ZNF79: variants seen among roughly 807,000 people sequenced by gnomAD.
ZNF79 encodes zinc finger protein 79.
ZNF79 carries 13 observed loss-of-function variants against 14.9 expected under a neutral mutation model. That is an observed-to-expected ratio of 0.87 (90% CI 0.57 to 1.38). The LOEUF is 1.38. ZNF79 is among the 40% of genes most tolerant of loss of function. ZNF79 has a pLI of 0.00. For synonymous variants in ZNF79, 223 were observed against 235.1 expected, an observed-to-expected ratio of 0.95 and a Z score of 0.47; for missense variants, 631 against 630.6, an observed-to-expected ratio of 1.00 and a Z score of -0.01.
chr9:127,444,612 C>G lies in ZNF79; in HGVS notation c.912C>G (p.Pro304=). Residue 304 remains proline, a synonymous_variant, in exon 5 of 5, where the codon CCC becomes CCG. Transcript: ENST00000342483. ...AGAGAATTCATACCGGAGAGAAGCC[C>G]TACGAATGCAGCGACTGTGGGAAGG... ...QHQRIHTGEK[P]YECSDCGKAF... 6.2e-7 allele frequency: 1 copy of G among 1,614,066 alleles called. No homozygotes were observed.
rs1833925444 is a variant in ZNF79 at position 127,435,181 on chromosome 9, G to A, written c.197G>A (p.Gly66Glu). Reference sequence around the variant, plus strand: ...ACTCCACGGGACAGGTTCAAGGAGGGGATACCAGGAAAGTCCAGGAGCCTT... The same window carrying A: ...ACTCCACGGGACAGGTTCAAGGAGGAGATACCAGGAAAGTCCAGGAGCCTT... The part of the protein sequence containing the change: ...VSTPRDRFKE[G>E]IPGKSRSLVL... Residue 66 changes from glycine (G) to glutamate (E), a missense_variant, in exon 3 of 5, where the codon GGG becomes GAG. Transcript: ENST00000342483. 1.2e-6 allele frequency: 2 copies of A among 1,611,512 alleles called. No homozygotes were observed. The highest frequency in any genetic ancestry group is 2.2e-5 in the East Asian group (1 of 44,746).
chr9:127,426,721 T>C (rs934942116), intron 1 of ZNF79, among the ~76,000 whole-genome samples: 3 of 152,228 alleles, frequency 2.0e-5, no homozygotes, highest in Admixed American at 1.3e-4. Context: ...TGTGGTAGAA[T>C]GATATTCCAT....
chr9:127,434,104 A>G (rs1833905289), intron 2 of ZNF79, among the ~76,000 whole-genome samples: 3 of 152,004 alleles, frequency 2.0e-5, no homozygotes, highest in African/African-American at 7.3e-5. Flanking sequence ...ACTGCCTGCC[A>G]TTTCCTAAAC....
Position 127,435,232 on chromosome 9 carries a change from CT to C in ZNF79, c.232+19del. 1 of 1,576,256 alleles carries C rather than the reference CT, an allele frequency of 6.3e-7. No individual in the cohort carries two copies. The highest frequency in any genetic ancestry group is 1.2e-5 in the South Asian group (1 of 85,220). On this transcript the variant is annotated intron_variant, in intron 3 of 4. Coordinates refer to ENST00000342483, the MANE Select transcript of ZNF79 (RefSeq NM_007135.3). ...GTCCTACTAGGTAAGGAAACTGTTTCTTTAAGATTTAGAATCACTCAATTCT... is the reference window on the plus strand; with the variant it reads ...GTCCTACTAGGTAAGGAAACTGTTTCTTAAGATTTAGAATCACTCAATTCT...
At chr9:127,437,199 T>C (rs1025212445) in intron 4 of ZNF79, among the ~76,000 whole-genome samples, 4 of 152,178 alleles carry the variant, frequency 2.6e-5, no homozygotes, top group South Asian at 4.1e-4. Context: ...GAGCTGCCTC[T>C]TCTCCTTCCC....
chr9:127,444,745 A>C lies in ZNF79; in HGVS notation c.1045A>C (p.Ile349Leu). 6.2e-7 allele frequency: 1 copy of C among 1,612,520 alleles called. No homozygotes were observed. The highest frequency in any genetic ancestry group is 8.5e-7 in the Non-Finnish European group (1 of 1,179,388). Residue 349 changes from isoleucine (I) to leucine (L), a missense_variant, in exon 5 of 5, where the codon ATT becomes CTT. By Grantham distance (5) the Ile-to-Leu change is conservative (BLOSUM62 2). Coordinates refer to ENST00000342483, the MANE Select transcript of ZNF79 (RefSeq NM_007135.3). ...GGCCTTCAGTTACTGCGCAGCGTTC[A>C]TTCAGCACCAGAGGATTCACACCGG... ...GKAFSYCAAF[I>L]QHQRIHTGEK...
At chr9:127,427,273 G>A (rs1402102096) in intron 1 of ZNF79, among the ~76,000 whole-genome samples, 1 of 143,304 alleles carries the variant, frequency 7.0e-6, no homozygotes, top group Non-Finnish European at 1.5e-5. Context: ...AAAAAAAAAA[G>A]TTAGCCGGGC....
At chr9:127,429,532 T>C (rs1833823599) in intron 2 of ZNF79, among the ~76,000 whole-genome samples, 1 of 151,244 alleles carries the variant, frequency 6.6e-6, no homozygotes. Context: ...GGTTTTGCCA[T>C]GTTGCCCAGT....
chr9:127,442,599 G>C (rs186989513), intron 4 of ZNF79, among the ~76,000 whole-genome samples: 17 of 152,192 alleles, frequency 1.1e-4, no homozygotes, highest in Non-Finnish European at 2.4e-4. Context: ...GCTACACTAA[G>C]TTTACTTTAC....
intron 3 of ZNF79, among the ~76,000 whole-genome samples, chr9:127,435,696 C>T (rs1833934917): frequency 6.6e-6 from 1 of 152,088 alleles, no homozygotes; most frequent in Non-Finnish European, 1.5e-5. Context: ...GACCCTGCCT[C>T]TAAAATTAAA....
intron 4 of ZNF79, 40 bp downstream of exon 4, chr9:127,436,043 C>G (rs1200797968): frequency 6.4e-7 from 1 of 1,567,906 alleles, no homozygotes; most frequent in Non-Finnish European, 8.8e-7. Context: ...GTCTTGGGAG[C>G]AAAAGCGCCT....
At chr9:127,425,679 G>A (rs1260035185) in intron 1 of ZNF79, among the ~76,000 whole-genome samples, 2 of 152,086 alleles carry the variant, frequency 1.3e-5, no homozygotes, top group Non-Finnish European at 2.9e-5. Context: ...TGCAACCTCC[G>A]CCTCCCAGGT....
chr9:127,432,419 G>T (rs1833877091), intron 2 of ZNF79, among the ~76,000 whole-genome samples: 1 of 151,916 alleles, frequency 6.6e-6, no homozygotes. Context: ...CAAAGTGCTG[G>T]GATTACAGGC....
chr9:127,441,272 A>G lies in ZNF79; in HGVS notation c.329-2757A>G, dbSNP rs1476006781. Among the ~76,000 whole-genome samples, 5 of 152,264 alleles carry G rather than the reference A, an allele frequency of 3.3e-5. No homozygotes were observed. The East Asian group carries it at 9.7e-4, about 29-fold the overall frequency. The stretch of plus-strand genomic sequence containing the variant: ...CCTACTTAATGCTTTAGGATGGTTT[A>G]TAAGGAGAAGGTACAGAATAACAAG... On this transcript the variant is annotated intron_variant, in intron 4 of 4. Coordinates refer to ENST00000342483, the MANE Select transcript of ZNF79 (RefSeq NM_007135.3).
At chr9:127,436,720 G>T (rs867996019) in intron 4 of ZNF79, among the ~76,000 whole-genome samples, 1 of 152,200 alleles carries the variant, frequency 6.6e-6, no homozygotes, top group African/African-American at 2.4e-5. Context: ...AGGTACAAAT[G>T]AATTAAACCA....
chr9:127,432,991 A>G (rs1197250319), intron 2 of ZNF79, among the ~76,000 whole-genome samples: 1 of 152,160 alleles, frequency 6.6e-6, no homozygotes. Flanking sequence ...CATGTTGGCC[A>G]GGGTGGTCTT....
At chr9:127,435,689 C>T (rs892215266) in intron 3 of ZNF79, among the ~76,000 whole-genome samples, 1 of 152,084 alleles carries the variant, frequency 6.6e-6, no homozygotes, top group Non-Finnish European at 1.5e-5. Flanking sequence ...ACAGTGAGAC[C>T]CTGCCTCTAA....
chr9:127,433,026 C>G (rs1222407931), intron 2 of ZNF79, among the ~76,000 whole-genome samples: 2 of 152,142 alleles, frequency 1.3e-5, no homozygotes, highest in Non-Finnish European at 2.9e-5. Context: ...AGGTGATCCA[C>G]CTGCTTTGGC....
rs1423543564 is a variant in ZNF79, at chr9:127,444,266, G to C, written c.566G>C (p.Arg189Thr). Residue 189 changes from arginine to threonine, a missense_variant, in exon 5 of 5, where the codon AGA (arginine) becomes ACA (threonine). Physicochemically the swap from Arg to Thr is moderately conservative, Grantham distance 71 (BLOSUM62 -1). Transcript: ENST00000342483. ...AACTCGGAAATCCTGAAACCTCACA[G>C]AGCAAAACCATATGCATGTAATGAA... ...FKNSEILKPH[R>T]AKPYACNECG... 6.2e-7 allele frequency: 1 copy of C among 1,614,072 alleles called. No individual in the cohort carries two copies. Among genetic ancestry groups the C allele is most frequent in the South Asian group, 1.1e-5 (1 of 91,074 alleles).
Sources: gnomAD v4.1 joint callset for allele counts (sites outside exome capture counted in the v4.1 genomes callset) on GRCh38, gnomAD v4.1.1 for gene constraint, MANE v1.5 for transcripts, NCBI Gene and HGNC (gene_info 2026-07-23, HGNC 2026-07-21) for gene names.